The following FGF12 variants were observed in gnomAD, a reference collection of about 807,000 sequenced individuals.
FGF12 encodes the protein fibroblast growth factor 12B.
Under a neutral mutation model 23.6 loss-of-function variants are expected in FGF12, and 14 were observed. That is an observed-to-expected ratio of 0.59 (90% CI 0.39 to 0.93). The LOEUF (loss-of-function observed/expected upper bound fraction) is 0.93, where lower values mean the gene tolerates loss of function less well. Ranked by LOEUF, FGF12 falls within the 40% of genes least tolerant of loss-of-function variation. The pLI is 0.00. For synonymous variants in FGF12, 62 were observed against 77.3 expected, an observed-to-expected ratio of 0.80 and a Z score of 1.04; for missense variants, 175 against 217.8, an observed-to-expected ratio of 0.80 and a Z score of 1.24.
intron 4 of FGF12, among the ~76,000 whole-genome samples, chr3:192,334,857 G>A (rs377213329): frequency 6.6e-6 from 1 of 152,024 alleles, no homozygotes; most frequent in East Asian, 1.9e-4. Context: ...AATTCATATT[G>A]CCTTTAAATT....
At chr3:192,252,142 A>G (rs1712055245) in intron 4 of FGF12, among the ~76,000 whole-genome samples, 1 of 152,022 alleles carries the variant, frequency 6.6e-6, no homozygotes, top group Non-Finnish European at 1.5e-5. Context: ...TGTATTCTCT[A>G]GGATGCGAAA....
chr3:192,489,992 A>G (rs1171632034), intron 2 of FGF12, among the ~76,000 whole-genome samples: 2 of 152,172 alleles, frequency 1.3e-5, no homozygotes, highest in African/African-American at 4.8e-5. Context: ...AAAAGTTAAA[A>G]AAATACTAAG....
intron 4 of FGF12, among the ~76,000 whole-genome samples, chr3:192,229,591 TACA>T (rs1050946678): frequency 9.9e-5 from 15 of 152,158 alleles, no homozygotes; most frequent in African/African-American, 3.6e-4. Flanking sequence ...AGTGATACAA[TACA>T]ACATTTTGAA....
intron 3 of FGF12, among the ~76,000 whole-genome samples, chr3:192,353,366 C>CTTTTTTTT: frequency 1.0e-5 from 1 of 98,408 alleles, no homozygotes; most frequent in Admixed American, 1.3e-4. Context: ...GAGCAGAAGT[C>CTTTTTTTT]TTTTTTTTTT....
intron 2 of FGF12, among the ~76,000 whole-genome samples, chr3:192,438,684 C>T (rs1722100598): frequency 6.6e-6 from 1 of 152,204 alleles, no homozygotes; most frequent in Non-Finnish European, 1.5e-5. Context: ...AGGAAGGAAA[C>T]ATTCATGTCA....
At chr3:192,696,856 A>G (rs1168968736) in intron 2 of FGF12, among the ~76,000 whole-genome samples, 3 of 152,098 alleles carry the variant, frequency 2.0e-5, no homozygotes, top group Non-Finnish European at 4.4e-5. Flanking sequence ...GCCACACTAG[A>G]TTGAAGAGGA....
intron 4 of FGF12, among the ~76,000 whole-genome samples, chr3:192,249,062 C>A (rs1478514036): frequency 6.6e-6 from 1 of 152,080 alleles, no homozygotes; most frequent in Non-Finnish European, 1.5e-5. Flanking sequence ...TCAATAATTA[C>A]ATAATGAAGA....
chr3:192,180,371 C>T (rs1347121440), intron 4 of FGF12, among the ~76,000 whole-genome samples: 1 of 152,150 alleles, frequency 6.6e-6, no homozygotes, highest in Non-Finnish European at 1.5e-5. Flanking sequence ...GACGACATAT[C>T]TAGAGCAGAT....
chr3:192,239,220 A>G (rs72625051), intron 4 of FGF12, among the ~76,000 whole-genome samples: 51,177 of 152,116 alleles, frequency 0.34, 9,724 homozygotes, highest in East Asian at 0.89. Context: ...TACAAATGGT[A>G]GCATCCATGC....
chr3:192,518,924 ATCT>A (rs1327589269), intron 2 of FGF12, among the ~76,000 whole-genome samples: 1 of 147,008 alleles, frequency 6.8e-6, no homozygotes, highest in Non-Finnish European at 1.5e-5. Flanking sequence ...CCTTCTCTTC[ATCT>A]TCTTCATCTT....
intron 2 of FGF12, among the ~76,000 whole-genome samples, chr3:192,686,915 G>A (rs1187416767): frequency 2.2e-5 from 3 of 139,164 alleles, no homozygotes; most frequent in Non-Finnish European, 4.5e-5. Flanking sequence ...TGCAAGCTCC[G>A]GCTTCTGGGT....
chr3:192,299,340 T>A (rs1429924209), intron 4 of FGF12, among the ~76,000 whole-genome samples: 1 of 152,186 alleles, frequency 6.6e-6, no homozygotes, highest in East Asian at 1.9e-4. Context: ...GCTGAGAAAT[T>A]CTGGATGAGA....
chr3:192,169,162 G>T (rs1465355760), intron 5 of FGF12, among the ~76,000 whole-genome samples: 1 of 152,058 alleles, frequency 6.6e-6, no homozygotes, highest in Non-Finnish European at 1.5e-5. Context: ...CCAACATGGC[G>T]AAATCCTGTC....
chr3:192,292,009 C>T (rs921143469), intron 4 of FGF12, among the ~76,000 whole-genome samples: 23 of 152,174 alleles, frequency 1.5e-4, no homozygotes, highest in Admixed American at 5.9e-4. Flanking sequence ...GAAGGCAAAT[C>T]ATAATAATTC....
At chr3:192,551,501 A>C (rs1197141623) in intron 2 of FGF12, among the ~76,000 whole-genome samples, 1 of 152,196 alleles carries the variant, frequency 6.6e-6, no homozygotes, top group Non-Finnish European at 1.5e-5. Flanking sequence ...ATCTGAATGG[A>C]GACATTAAAC....
At chr3:192,328,391 C>A (rs965742551) in intron 4 of FGF12, among the ~76,000 whole-genome samples, 1 of 152,166 alleles carries the variant, frequency 6.6e-6, no homozygotes, top group African/African-American at 2.4e-5. Flanking sequence ...CCAATGACAT[C>A]TCTTGACATA....
At chr3:192,306,910 A>G (rs960527684) in intron 4 of FGF12, among the ~76,000 whole-genome samples, 41 of 152,300 alleles carry the variant, frequency 2.7e-4, no homozygotes, top group African/African-American at 9.1e-4. Context: ...CCAAAATTTA[A>G]TAATATTATT....
intron 2 of FGF12, among the ~76,000 whole-genome samples, chr3:192,502,948 T>C (rs1724175693): frequency 6.6e-6 from 1 of 152,250 alleles, no homozygotes; most frequent in South Asian, 2.1e-4. Context: ...AATACACTTT[T>C]GTTTTCTGTA....
intron 2 of FGF12, among the ~76,000 whole-genome samples, chr3:192,377,943 G>A (rs1719595528): frequency 6.6e-6 from 1 of 152,070 alleles, no homozygotes; most frequent in Non-Finnish European, 1.5e-5. Context: ...GAGAAAAATA[G>A]AACCCTAGTG....
Sources: allele counts gnomAD v4.1 joint callset (sites outside exome capture counted in the v4.1 genomes callset), GRCh38; gene constraint gnomAD v4.1.1; transcripts MANE v1.5; gene names NCBI Gene and HGNC (gene_info 2026-07-23, HGNC 2026-07-21).